IMMP2L: variants seen among roughly 807,000 people sequenced by gnomAD.
IMMP2L encodes the protein mitochondrial inner membrane protease subunit 2.
Under a neutral mutation model 19.3 loss-of-function variants are expected in IMMP2L, and 18 were observed. That is an observed-to-expected ratio of 0.93 (90% CI 0.64 to 1.38). The LOEUF (loss-of-function observed/expected upper bound fraction) is 1.38, where lower values mean the gene tolerates loss of function less well. Ranked by LOEUF, IMMP2L falls within the 40% of genes most tolerant of loss-of-function variation. The pLI is 0.00. For synonymous variants in IMMP2L, 76 were observed against 73.0 expected, an observed-to-expected ratio of 1.04 and a Z score of -0.21; for missense variants, 233 against 218.2, an observed-to-expected ratio of 1.07 and a Z score of -0.43.
At chr7:110,931,966 T>A (rs1278799813) in intron 4 of IMMP2L, among the ~76,000 whole-genome samples, 1 of 152,130 alleles carries the variant, frequency 6.6e-6, no homozygotes, top group East Asian at 1.9e-4. Flanking sequence ...TTTCTTCTAC[T>A]CCTTTCTTCT....
intron 5 of IMMP2L, among the ~76,000 whole-genome samples, chr7:110,775,258 TGTGTGTGTGTG>T (rs1799305600): frequency 1.2e-5 from 1 of 84,998 alleles, no homozygotes; most frequent in East Asian, 2.6e-4. Context: ...GCTGTGTGTG[TGTGTGTGTGTG>T]TGTGTGTGTG....
At chr7:111,067,706 A>C (rs111450869) in intron 3 of IMMP2L, among the ~76,000 whole-genome samples, 2,808 of 152,316 alleles carry the variant, frequency 0.018, 39 homozygotes, top group Middle Eastern at 0.034. Flanking sequence ...CTATGAGGAA[A>C]AAGAAAAAAA....
intron 3 of IMMP2L, among the ~76,000 whole-genome samples, chr7:111,040,316 T>C (rs1487962339): frequency 6.6e-6 from 1 of 152,214 alleles, no homozygotes; most frequent in East Asian, 1.9e-4. Flanking sequence ...GTTGCCAAAA[T>C]GACCAATAAT....
At chr7:110,945,377 A>T (rs2129553475) in intron 4 of IMMP2L, among the ~76,000 whole-genome samples, 1 of 152,122 alleles carries the variant, frequency 6.6e-6, no homozygotes, top group Middle Eastern at 3.4e-3. Flanking sequence ...GGGAGGAAAT[A>T]ATGAAGGCCT....
At chr7:111,125,449 G>A (rs1386418686) in intron 3 of IMMP2L, 1 of 166,894 alleles carries the variant, frequency 6.0e-6, no homozygotes, top group East Asian at 1.9e-4. Context: ...AATAATTTCT[G>A]GGAAATATCA....
chr7:111,542,579 C>A (rs1210807841), intron 1 of IMMP2L, among the ~76,000 whole-genome samples: 1 of 152,132 alleles, frequency 6.6e-6, no homozygotes, highest in African/African-American at 2.4e-5. Context: ...TTATTCATAA[C>A]TCCCAATAAA....
intron 3 of IMMP2L, among the ~76,000 whole-genome samples, chr7:111,257,444 C>T (rs992774391): frequency 2.7e-4 from 41 of 152,130 alleles, no homozygotes; most frequent in Non-Finnish European, 5.0e-4. Context: ...TACACAATCA[C>T]CCATTTTGTT....
intron 3 of IMMP2L, among the ~76,000 whole-genome samples, chr7:111,106,105 G>A (rs1166233715): frequency 6.6e-6 from 1 of 152,052 alleles, no homozygotes; most frequent in Admixed American, 6.6e-5. Flanking sequence ...GAGGACCTTA[G>A]AACATATAAT....
intron 3 of IMMP2L, among the ~76,000 whole-genome samples, chr7:111,434,167 G>C (rs184114184): frequency 6.6e-6 from 1 of 151,746 alleles, no homozygotes; most frequent in African/African-American, 2.4e-5. Flanking sequence ...CTTCAACAAA[G>C]TCAACAAAAA....
At chr7:110,963,167 G>A (rs568952644) in intron 4 of IMMP2L, 6 of 1,120,046 alleles carry the variant, frequency 5.4e-6, no homozygotes, top group Admixed American at 2.8e-5. Flanking sequence ...TTTTTTAAAT[G>A]AACCTTAACA....
At chr7:111,370,600 AAC>A (rs1318327213) in intron 3 of IMMP2L, among the ~76,000 whole-genome samples, 1 of 152,000 alleles carries the variant, frequency 6.6e-6, no homozygotes, top group Non-Finnish European at 1.5e-5. Flanking sequence ...CATAAATATT[AAC>A]ACAGAGAAAG....
At chr7:110,918,609 C>CCA (rs2129550214) in intron 4 of IMMP2L, among the ~76,000 whole-genome samples, 1 of 151,846 alleles carries the variant, frequency 6.6e-6, no homozygotes, top group Non-Finnish European at 1.5e-5. Context: ...GCGTGTACCA[C>CCA]CACAGTTGGC....
At chr7:111,536,847 T>C (rs1194879309) in intron 1 of IMMP2L, among the ~76,000 whole-genome samples, 2 of 152,216 alleles carry the variant, frequency 1.3e-5, no homozygotes, top group Non-Finnish European at 1.5e-5. Context: ...CTTGTGACTT[T>C]GAAGACTATT....
intron 5 of IMMP2L, among the ~76,000 whole-genome samples, chr7:110,723,398 T>C (rs1235796823): frequency 2.6e-5 from 4 of 152,250 alleles, no homozygotes; most frequent in African/African-American, 4.8e-5. Flanking sequence ...CATGGCAATC[T>C]TGCTCACAAG....
intron 3 of IMMP2L, among the ~76,000 whole-genome samples, chr7:111,306,014 AAAAGATGGCCC>A (rs2130134791): frequency 6.6e-6 from 1 of 152,304 alleles, no homozygotes; most frequent in Admixed American, 6.5e-5. Context: ...TGAAATGTAA[AAAAGATGGCCC>A]AAATTTGCAA....
chr7:111,390,662 C>T (rs1040848149), intron 3 of IMMP2L: 2 of 152,084 alleles, frequency 1.3e-5, no homozygotes, highest in Non-Finnish European at 2.9e-5. Flanking sequence ...ACAAATTTCC[C>T]TCTTATGGTC....
At chr7:111,487,993 T>C (rs1397500025) in intron 2 of IMMP2L, among the ~76,000 whole-genome samples, 1 of 152,094 alleles carries the variant, frequency 6.6e-6, no homozygotes, top group Non-Finnish European at 1.5e-5. Flanking sequence ...AGAAACATTT[T>C]GTGTAAGAAT....
intron 3 of IMMP2L, among the ~76,000 whole-genome samples, chr7:111,172,737 C>G (rs772934168): frequency 1.3e-5 from 2 of 151,596 alleles, no homozygotes; most frequent in Non-Finnish European, 3.0e-5. Context: ...TGAGTGAGAA[C>G]AGGCAGTGTT....
chr7:111,531,308 A>G (rs549909508), intron 1 of IMMP2L, among the ~76,000 whole-genome samples: 1 of 150,826 alleles, frequency 6.6e-6, no homozygotes, highest in Non-Finnish European at 1.5e-5. Flanking sequence ...TTTCCTCATC[A>G]ATATGGACAT....
Sources: gnomAD v4.1 joint callset for allele counts (sites outside exome capture counted in the v4.1 genomes callset) on GRCh38, gnomAD v4.1.1 for gene constraint, MANE v1.5 for transcripts, NCBI Gene and HGNC (gene_info 2026-07-23, HGNC 2026-07-21) for gene names.